ELAPOR2: variants seen among roughly 807,000 people sequenced by gnomAD.
ELAPOR2 encodes the protein endosome-lysosome associated apoptosis and autophagy regulator family member 2, also known as endosome/lysosome-associated apoptosis and autophagy regulator family member 2.
A neutral mutation model predicts 120.7 loss-of-function variants in ELAPOR2; 89 were observed. The observed-to-expected ratio is 0.74, with a 90% CI of 0.62 to 0.88. The LOEUF (loss-of-function observed/expected upper bound fraction) is 0.88. Among genes scored for constraint, ELAPOR2 ranks in the 40% least tolerant of loss-of-function variants. The probability of loss-of-function intolerance (pLI) is 0.00; values close to 1 mark genes in which losing one functional copy is unlikely to be tolerated. For synonymous variants in ELAPOR2, 444 were observed against 444.9 expected, an observed-to-expected ratio of 1.00 and a Z score of 0.03; for missense variants, 1,134 against 1,251.6, an observed-to-expected ratio of 0.91 and a Z score of 1.42.
chr7:87,005,659 A>T (rs1331233421), intron 1 of ELAPOR2, among the ~76,000 whole-genome samples: 1 of 152,196 alleles, frequency 6.6e-6, no homozygotes, highest in East Asian at 1.9e-4. Flanking sequence ...TGCCAAAATA[A>T]TTCAGTAAGG....
intron 20 of ELAPOR2, 45 bp from the exon 21 acceptor site, chr7:86,891,934 T>G: frequency 8.2e-7 from 1 of 1,226,022 alleles, no homozygotes; most frequent in African/African-American, 1.5e-5. Flanking sequence ...TCCATTTATG[T>G]TAATATAAAT....
At chr7:86,907,855 C>T in intron 17 of ELAPOR2, 84 bp from the exon 18 acceptor site, 1 of 661,762 alleles carries the variant, frequency 1.5e-6, no homozygotes, top group Non-Finnish European at 2.4e-6. Flanking sequence ...TGCTCTCAGA[C>T]TTCATGAACA....
At chr7:87,026,089 AC>A (rs1041295360) in intron 1 of ELAPOR2, among the ~76,000 whole-genome samples, 76 of 152,228 alleles carry the variant, frequency 5.0e-4, no homozygotes, top group African/African-American at 1.7e-3. Flanking sequence ...CAGTACAGTC[AC>A]TAAGAAAGCA....
intron 1 of ELAPOR2, among the ~76,000 whole-genome samples, chr7:87,050,901 A>G (rs1468625005): frequency 6.6e-6 from 1 of 152,204 alleles, no homozygotes; most frequent in African/African-American, 2.4e-5. Flanking sequence ...AGAGTTCTAG[A>G]TATGAGCAAC....
intron 20 of ELAPOR2, among the ~76,000 whole-genome samples, chr7:86,892,640 CT>C (rs764517042): frequency 9.9e-5 from 15 of 152,152 alleles, no homozygotes; most frequent in Non-Finnish European, 2.1e-4. Context: ...AATCTCAGCT[CT>C]GCTATCATCT....
intron 2 of ELAPOR2, among the ~76,000 whole-genome samples, chr7:86,959,196 T>C (rs534774088): frequency 1.3e-5 from 2 of 152,230 alleles, no homozygotes; most frequent in Non-Finnish European, 2.9e-5. Flanking sequence ...CTTTACTAGT[T>C]CTAACGGGTT....
intron 1 of ELAPOR2, among the ~76,000 whole-genome samples, chr7:86,974,210 G>A (rs1792197589): frequency 6.6e-6 from 1 of 152,002 alleles, no homozygotes; most frequent in Admixed American, 6.6e-5. Flanking sequence ...AATTAATCAG[G>A]CTGAAACTAA....
intron 1 of ELAPOR2, among the ~76,000 whole-genome samples, chr7:87,056,939 A>G (rs1795283521): frequency 6.6e-6 from 1 of 152,210 alleles, no homozygotes; most frequent in South Asian, 2.1e-4. Flanking sequence ...AGCTTTTTCT[A>G]TACTCCTCAA....
chr7:86,983,059 A>T (rs578160263), intron 1 of ELAPOR2, among the ~76,000 whole-genome samples: 1 of 152,358 alleles, frequency 6.6e-6, no homozygotes, highest in South Asian at 2.1e-4. Flanking sequence ...TCATTAGCCA[A>T]TTCGATCAAG....
rs1368536636 is a variant in ELAPOR2, at chr7:86,880,350, C to CA, written c.*120dup. 1 of 754,508 alleles carries CA rather than the reference C, an allele frequency of 1.3e-6. No individual in the cohort carries two copies. Among genetic ancestry groups the CA allele is most frequent in the Non-Finnish European group, 2.3e-6 (1 of 429,534 alleles). The allele number at this position is 754,508 out of a possible 1,614,324, so 46.7% of individuals were successfully genotyped here. On this transcript the variant is annotated 3_prime_UTR_variant, in exon 22 of 22. Coordinates refer to ENST00000450689, the MANE Select transcript of ELAPOR2 (RefSeq NM_001142749.3). ...TTCAATCTCCTTCCCTTTTCAGCGG[C>CA]ATGGCCCTCCTCTGTGAGATCACCA...
chr7:86,972,585 A>G (rs765646411), intron 1 of ELAPOR2, among the ~76,000 whole-genome samples: 66 of 148,402 alleles, frequency 4.4e-4, no homozygotes, highest in Non-Finnish European at 7.9e-4. Context: ...ATCAAGTAAG[A>G]AAAAAAAAAA....
rs1200008465 is a variant in ELAPOR2 at position 86,928,051 on chromosome 7, TGAA to T, written c.1090-1138_1090-1136del. On this transcript the variant is annotated intron_variant, in intron 8 of 21. Transcript: ENST00000450689. ...TTATGGAAGAGTAGATTAACTTATCTGAAGAAGGAGGCTTAAGAAAATGATTTA... is the reference window on the plus strand; with the variant it reads ...TTATGGAAGAGTAGATTAACTTATCTGAAGGAGGCTTAAGAAAATGATTTA... 9.9e-5 allele frequency among the ~76,000 whole-genome samples: 15 copies of T among 152,126 alleles called. No homozygotes were observed. The East Asian group carries it at 2.3e-3, about 24-fold the overall frequency.
intron 1 of ELAPOR2, among the ~76,000 whole-genome samples, chr7:86,987,819 C>A (rs553309904): frequency 6.6e-6 from 1 of 152,120 alleles, no homozygotes; most frequent in African/African-American, 2.4e-5. Context: ...GGTAGAAATA[C>A]CATTTGACCC....
At chr7:86,963,723 T>A (rs1022010144) in intron 2 of ELAPOR2, among the ~76,000 whole-genome samples, 6 of 152,182 alleles carry the variant, frequency 3.9e-5, no homozygotes, top group African/African-American at 1.4e-4. Flanking sequence ...TCAGGCTCTG[T>A]TTCCCTTTCA....
chr7:86,885,020 C>T (rs1366035385), intron 21 of ELAPOR2, among the ~76,000 whole-genome samples: 1 of 152,046 alleles, frequency 6.6e-6, no homozygotes, highest in East Asian at 1.9e-4. Context: ...CTCTTATTGT[C>T]GCAGATTGGG....
At chr7:86,923,700 G>A (rs1373186095) in intron 10 of ELAPOR2, among the ~76,000 whole-genome samples, 1 of 151,968 alleles carries the variant, frequency 6.6e-6, no homozygotes, top group Non-Finnish European at 1.5e-5. Flanking sequence ...TGTACAACTT[G>A]CACATAATGA....
At chr7:87,030,145 T>C (rs1022942960) in intron 1 of ELAPOR2, among the ~76,000 whole-genome samples, 16 of 152,166 alleles carry the variant, frequency 1.1e-4, no homozygotes, top group Non-Finnish European at 4.4e-5. Flanking sequence ...GCCTCTGTCA[T>C]AGAGAGTGCA....
In ELAPOR2 at chr7:86,938,888, C is replaced by A. The variant is rs1486896754; in HGVS notation, c.920G>T (p.Cys307Phe). 1 of 1,613,348 alleles carries A rather than the reference C, an allele frequency of 6.2e-7. No individual in the cohort carries two copies. The highest frequency in any genetic ancestry group is 8.5e-7 in the Non-Finnish European group (1 of 1,179,484). Reference protein sequence around the residue: ...TFSNKPGSFNCQVCPRNTYSE... With the variant: ...TFSNKPGSFNFQVCPRNTYSE... ...ATAGGTGTTTCTGGGACACACCTGG[C>A]AGTTGAATGAACCTGGTTTGTTGCT... Residue 307 changes from cysteine to phenylalanine, a missense_variant, in exon 7 of 22, where the codon TGC (cysteine) becomes TTC (phenylalanine). Around this residue, in one of 3 missense-constraint regions of ELAPOR2, gnomAD observed 831 missense variants for 867.6 expected, o/e 0.96. Transcript: ENST00000450689.
At chr7:86,986,014 C>G (rs1792717274) in intron 1 of ELAPOR2, among the ~76,000 whole-genome samples, 1 of 151,968 alleles carries the variant, frequency 6.6e-6, no homozygotes, top group Admixed American at 6.6e-5. Context: ...ACAGGGATGC[C>G]TTCTCTCACC....
Sources: allele counts gnomAD v4.1 joint callset (sites outside exome capture counted in the v4.1 genomes callset), GRCh38; gene constraint gnomAD v4.1.1; regional missense constraint gnomAD v4.1.1; transcripts MANE v1.5; gene names NCBI Gene and HGNC (gene_info 2026-07-23, HGNC 2026-07-21).